The following SERINC5 variants were observed in gnomAD, a reference collection of about 807,000 sequenced individuals.
The protein encoded by SERINC5 is chromosome 5 open reading frame 12.
SERINC5 carries 41 observed loss-of-function variants against 63.1 expected under a neutral mutation model. That is an observed-to-expected ratio of 0.65 (90% CI 0.51 to 0.84). The LOEUF is 0.84. Among genes scored for constraint, SERINC5 ranks in the 40% least tolerant of loss-of-function variants. The pLI is 0.00. For missense variants in SERINC5, 523 were observed against 573.0 expected (o/e 0.91, Z 0.89); for synonymous variants, 222 against 215.2 (o/e 1.03, Z -0.28).
chr5:80,243,619 A>T (rs1322107368), intron 1 of SERINC5, among the ~76,000 whole-genome samples: 2 of 152,044 alleles, frequency 1.3e-5, no homozygotes, highest in Non-Finnish European at 2.9e-5. Context: ...TCAAAAATCA[A>T]GCAAGGCTGG....
intron 2 of SERINC5, among the ~76,000 whole-genome samples, chr5:80,182,661 T>A (rs550430039): frequency 6.6e-6 from 1 of 150,864 alleles, no homozygotes; most frequent in East Asian, 2.0e-4. Context: ...TTCTCCTGCC[T>A]CAGCCTCCAG....
chr5:80,167,566 T>C (rs1055435167), intron 6 of SERINC5, among the ~76,000 whole-genome samples: 2 of 152,180 alleles, frequency 1.3e-5, no homozygotes, highest in African/African-American at 4.8e-5. Context: ...CCATTTATAT[T>C]CTTTTGGGTA....
intron 9 of SERINC5, among the ~76,000 whole-genome samples, chr5:80,150,494 G>A (rs1051618217): frequency 1.3e-5 from 2 of 152,134 alleles, no homozygotes; most frequent in East Asian, 1.9e-4. Context: ...GGAGTGCAGT[G>A]GTATGACCTT....
rs1745374439 is a variant in SERINC5, at chr5:80,139,535, G to T, written c.*4128C>A. The T allele has an allele frequency of 1.0e-6, 1 of 984,552 alleles. No individual in the cohort carries two copies. The highest frequency in any genetic ancestry group is 6.2e-5 in the Admixed American group (1 of 16,208). 61.0% of individuals were successfully genotyped at this position (984,552 alleles called of 1,614,324 possible). ...GGAAAAAAAAAGCTCTTTGGTAAAG[G>T]CCAAATATTTCAACCTTTCAAAATG... is the stretch of plus-strand genomic sequence containing the variant. On this transcript the variant is annotated 3_prime_UTR_variant, in exon 12 of 12. Coordinates refer to ENST00000507668, the MANE Select transcript of SERINC5 (RefSeq NM_001174072.3).
In SERINC5 at chr5:80,166,415, A is replaced by G; in HGVS notation, c.827T>C (p.Phe276Ser). ...TGCAGGTTTGCTGGACAGAGCTGAG[A>G]AGGTGAGGTAGGTGACATAGCAGCT... Reference protein sequence around the residue: ...VISCYVTYLTFSALSSKPAEV... With the variant: ...VISCYVTYLTSSALSSKPAEV... Residue 276 changes from phenylalanine to serine, a missense_variant, in exon 7 of 12, where the codon TTC (phenylalanine) becomes TCC (serine). Phe to Ser is a radical substitution (Grantham distance 155). Coordinates refer to ENST00000507668, the MANE Select transcript of SERINC5 (RefSeq NM_001174072.3). 1 of 1,594,284 alleles carries G rather than the reference A, an allele frequency of 6.3e-7. No homozygotes were observed. The highest frequency in any genetic ancestry group is 8.5e-7 in the Non-Finnish European group (1 of 1,170,340).
intron 11 of SERINC5, among the ~76,000 whole-genome samples, chr5:80,131,637 T>C (rs555530363): frequency 6.6e-6 from 1 of 152,238 alleles, no homozygotes; most frequent in African/African-American, 2.4e-5. Flanking sequence ...AGGGAATGGG[T>C]CATGCAGGGT....
chr5:80,226,296 A>G (rs1751162999), intron 1 of SERINC5, among the ~76,000 whole-genome samples: 1 of 152,186 alleles, frequency 6.6e-6, no homozygotes, highest in Non-Finnish European at 1.5e-5. Flanking sequence ...GGCCAAAAAT[A>G]ACCCTTTGAT....
intron 1 of SERINC5, among the ~76,000 whole-genome samples, chr5:80,234,666 C>A (rs1392764961): frequency 6.6e-6 from 1 of 152,126 alleles, no homozygotes; most frequent in East Asian, 1.9e-4. Flanking sequence ...AACGTTATCC[C>A]CTACCCTCCA....
chr5:80,137,143 A>G (rs1437265237), downstream of SERINC5, among the ~76,000 whole-genome samples: 2 of 115,640 alleles, frequency 1.7e-5, no homozygotes, highest in Non-Finnish European at 3.7e-5. Flanking sequence ...CTGTCTCAAA[A>G]AAAAAAAAAA....
At chr5:80,187,374 G>A (rs897313892) in intron 2 of SERINC5, among the ~76,000 whole-genome samples, 14 of 152,228 alleles carry the variant, frequency 9.2e-5, no homozygotes, top group African/African-American at 3.4e-4. Flanking sequence ...CTCCCAGTCT[G>A]CCTTTCCCTT....
At position 80,221,456 on chromosome 5, in the gene SERINC5, A is replaced by G. The variant is rs142027350; in HGVS notation, c.28-18403T>C. 6.8e-3 allele frequency among the ~76,000 whole-genome samples: 1,040 copies of G among 152,300 alleles called. 11 individuals are homozygous for G. Among genetic ancestry groups the G allele is most frequent in the African/African-American group, 0.022 (914 of 41,564 alleles). On this transcript the variant is annotated intron_variant, in intron 1 of 11. Coordinates refer to ENST00000507668, the MANE Select transcript of SERINC5 (RefSeq NM_001174072.3). The stretch of plus-strand genomic sequence containing the variant: ...AGGGAATCATGAGAGACTAGCATGC[A>G]GTCTCTGAAAAAGGTATCTGTAATT...
At chr5:80,185,285 C>A (rs916352245) in intron 2 of SERINC5, among the ~76,000 whole-genome samples, 7 of 152,148 alleles carry the variant, frequency 4.6e-5, no homozygotes, top group Non-Finnish European at 1.0e-4. Context: ...GCTCATAAGA[C>A]TTCCATTCCT....
downstream of SERINC5, among the ~76,000 whole-genome samples, chr5:80,137,643 A>AAC (rs1314904460): frequency 1.5e-4 from 12 of 78,832 alleles, no homozygotes; most frequent in Admixed American, 6.6e-4. Context: ...ACTCTAACTC[A>AAC]AAAAAAAAAA....
intron 1 of SERINC5, among the ~76,000 whole-genome samples, chr5:80,209,132 A>G (rs1263463287): frequency 6.6e-6 from 1 of 152,146 alleles, no homozygotes; most frequent in Non-Finnish European, 1.5e-5. Context: ...TTAGCCAAGC[A>G]TGGTGGCACA....
At chr5:80,133,234 G>A (rs915346708) in intron 11 of SERINC5, among the ~76,000 whole-genome samples, 6 of 152,190 alleles carry the variant, frequency 3.9e-5, no homozygotes, top group Non-Finnish European at 7.3e-5. Context: ...GCAGAACTAT[G>A]AGCCAAATAA....
At chr5:80,200,674 A>G (rs1367129916) in intron 2 of SERINC5, among the ~76,000 whole-genome samples, 3 of 152,206 alleles carry the variant, frequency 2.0e-5, no homozygotes, top group African/African-American at 7.2e-5. Context: ...ATCCAAGACC[A>G]TACAACCAGA....
intron 1 of SERINC5, among the ~76,000 whole-genome samples, chr5:80,251,758 C>A (rs2112618444): frequency 6.6e-6 from 1 of 151,504 alleles, no homozygotes; most frequent in South Asian, 2.1e-4. Flanking sequence ...ACAGAGTGAA[C>A]CTTTACTCAG....
At chr5:80,164,910 G>GTTTTGTTTT (rs1747174810) in intron 7 of SERINC5, among the ~76,000 whole-genome samples, 5 of 85,188 alleles carry the variant, frequency 5.9e-5, no homozygotes, top group African/African-American at 2.0e-4. Context: ...CTTTTTTTCT[G>GTTTTGTTTT]TTTTTTTTTT....
At chr5:80,135,770 T>C (rs115199932), downstream of SERINC5, among the ~76,000 whole-genome samples, 423 of 151,364 alleles carry the variant, frequency 2.8e-3, 3 homozygotes, top group African/African-American at 9.6e-3. Flanking sequence ...AGAAGCATAG[T>C]TTTTGGATCT....
Sources: allele counts gnomAD v4.1 joint callset (sites outside exome capture counted in the v4.1 genomes callset), GRCh38; gene constraint gnomAD v4.1.1; transcripts MANE v1.5; gene names NCBI Gene and HGNC (gene_info 2026-07-23, HGNC 2026-07-21).